PCDH9: variants seen among roughly 807,000 people sequenced by gnomAD.
PCDH9 encodes protocadherin-9.
PCDH9 carries 24 observed loss-of-function variants against 70.6 expected under a neutral mutation model. That is an observed-to-expected ratio of 0.34 (90% CI 0.25 to 0.48). The LOEUF (loss-of-function observed/expected upper bound fraction) is 0.48, where lower values mean the gene tolerates loss of function less well. Ranked by LOEUF, PCDH9 falls within the 20% of genes least tolerant of loss-of-function variation. PCDH9 has a pLI of 0.99. For missense variants in PCDH9, 1,281 were observed against 1,503.6 expected (o/e 0.85, Z 2.45); for synonymous variants, 562 against 558.5 (o/e 1.01, Z -0.09).
chr13:66,599,788 C>G (rs2077144597), intron 4 of PCDH9, among the ~76,000 whole-genome samples: 1 of 151,752 alleles, frequency 6.6e-6, no homozygotes, highest in Admixed American at 6.6e-5. Flanking sequence ...TGTTTAAATG[C>G]TCTCAGTTTA....
intron 2 of PCDH9, chr13:66,996,285 A>C (rs1414751385): frequency 6.6e-6 from 1 of 152,170 alleles, no homozygotes; most frequent in Non-Finnish European, 1.5e-5. Context: ...TATTCTAGTG[A>C]GTACAGACAA....
At chr13:67,068,298 A>C (rs2085691551) in intron 2 of PCDH9, among the ~76,000 whole-genome samples, 1 of 151,794 alleles carries the variant, frequency 6.6e-6, no homozygotes, top group East Asian at 1.9e-4. Flanking sequence ...TATTATGAAA[A>C]GTTTTTTTAT....
chr13:66,430,816 A>C (rs116586724), intron 4 of PCDH9, among the ~76,000 whole-genome samples: 1,932 of 152,224 alleles, frequency 0.013, 43 homozygotes, highest in African/African-American at 0.045. Flanking sequence ...CTCAAAGTGC[A>C]GTAGAGGCAC....
At chr13:66,419,894 A>T (rs181525006) in intron 4 of PCDH9, among the ~76,000 whole-genome samples, 2 of 152,020 alleles carry the variant, frequency 1.3e-5, no homozygotes, top group Non-Finnish European at 1.5e-5. Flanking sequence ...CCCACCCCCT[A>T]TGGAACCTAG....
chr13:67,031,410 ATATAAT>A (rs1231915611), intron 2 of PCDH9, among the ~76,000 whole-genome samples: 102 of 152,328 alleles, frequency 6.7e-4, no homozygotes, highest in African/African-American at 2.4e-3. Flanking sequence ...AATGTTTATA[ATATAAT>A]TATACAGGCC....
intron 3 of PCDH9, among the ~76,000 whole-genome samples, chr13:66,893,561 A>G (rs1049527881): frequency 6.6e-6 from 1 of 152,190 alleles, no homozygotes; most frequent in African/African-American, 2.4e-5. Context: ...AAAGAAATAT[A>G]TGATAAATAA....
At chr13:66,497,691 T>G (rs1959137819) in intron 4 of PCDH9, among the ~76,000 whole-genome samples, 1 of 152,080 alleles carries the variant, frequency 6.6e-6, no homozygotes, top group African/African-American at 2.4e-5. Context: ...GTTAAGAGGG[T>G]TTGATAACCC....
At position 66,679,427 on chromosome 13, in the gene PCDH9, G is replaced by A. The variant is rs73198540; in HGVS notation, c.3139-48016C>T. On this transcript the variant is annotated intron_variant, in intron 3 of 4. Coordinates refer to ENST00000377865, the MANE Select transcript of PCDH9 (RefSeq NM_203487.3). ...ACATTGTAATAGTGCACACACCCAT[G>A]GGCACAAAAACATACAAGCAAAGTA... Among the ~76,000 whole-genome samples the A allele has an allele frequency of 7.7e-3, 1,172 of 151,878 alleles. 10 individuals are homozygous for A. The highest frequency in any genetic ancestry group is 0.013 in the Non-Finnish European group (874 of 67,812).
At chr13:66,983,230 T>C (rs1337850236) in intron 2 of PCDH9, among the ~76,000 whole-genome samples, 1 of 151,870 alleles carries the variant, frequency 6.6e-6, no homozygotes, top group African/African-American at 2.4e-5. Context: ...TAACACAAAC[T>C]AGAAGTTAAA....
At chr13:66,691,227 G>A (rs1312891676) in intron 3 of PCDH9, among the ~76,000 whole-genome samples, 1 of 151,934 alleles carries the variant, frequency 6.6e-6, no homozygotes, top group Non-Finnish European at 1.5e-5. Context: ...TAGTAGAAAT[G>A]GTGTTTCACC....
intron 4 of PCDH9, among the ~76,000 whole-genome samples, chr13:66,563,298 C>T (rs756508907): frequency 1.3e-5 from 2 of 152,112 alleles, no homozygotes; most frequent in Non-Finnish European, 2.9e-5. Context: ...AGTCCTTTTC[C>T]GTTTGCTCCC....
intron 3 of PCDH9, among the ~76,000 whole-genome samples, chr13:66,880,403 A>T (rs1170303585): frequency 2.0e-5 from 3 of 152,336 alleles, no homozygotes; most frequent in Non-Finnish European, 4.4e-5. Context: ...GGATGAGACA[A>T]GTGCCTTTCA....
At chr13:66,456,844 G>T (rs1356753916) in intron 4 of PCDH9, among the ~76,000 whole-genome samples, 1 of 151,888 alleles carries the variant, frequency 6.6e-6, no homozygotes, top group African/African-American at 2.4e-5. Flanking sequence ...AAAAAATAAA[G>T]AATAATATAA....
At chr13:66,362,641 TTTC>T (rs1956490307) in intron 4 of PCDH9, among the ~76,000 whole-genome samples, 3 of 152,276 alleles carry the variant, frequency 2.0e-5, no homozygotes, top group South Asian at 4.1e-4. Flanking sequence ...TATGTTTCTC[TTTC>T]TTCTTCTTTG....
At chr13:66,560,838 A>T (rs1277692497) in intron 4 of PCDH9, among the ~76,000 whole-genome samples, 1 of 152,206 alleles carries the variant, frequency 6.6e-6, no homozygotes. Flanking sequence ...ACATCATTCC[A>T]GAAGTCCGGA....
At chr13:66,707,193 C>G (rs550039804) in intron 3 of PCDH9, among the ~76,000 whole-genome samples, 13 of 152,254 alleles carry the variant, frequency 8.5e-5, no homozygotes, top group Admixed American at 7.9e-4. Flanking sequence ...TAACATGTAG[C>G]AATAACATGG....
intron 3 of PCDH9, among the ~76,000 whole-genome samples, chr13:66,775,341 G>A (rs1220337753): frequency 6.6e-6 from 1 of 152,172 alleles, no homozygotes; most frequent in African/African-American, 2.4e-5. Context: ...ACAAGGCTTT[G>A]TTAATAATTA....
chr13:67,078,231 T>C (rs1290687640), intron 2 of PCDH9, among the ~76,000 whole-genome samples: 3 of 152,154 alleles, frequency 2.0e-5, no homozygotes, highest in Admixed American at 2.0e-4. Context: ...TCCAAGGAAT[T>C]CGTGCTGGTA....
intron 2 of PCDH9, among the ~76,000 whole-genome samples, chr13:67,053,383 C>G (rs992719262): frequency 3.9e-5 from 6 of 152,052 alleles, no homozygotes; most frequent in African/African-American, 1.4e-4. Context: ...GGACAAGAAA[C>G]AGCAAAGTGT....
Sources: gnomAD v4.1 joint callset for allele counts (sites outside exome capture counted in the v4.1 genomes callset) on GRCh38, gnomAD v4.1.1 for gene constraint, MANE v1.5 for transcripts, NCBI Gene and HGNC (gene_info 2026-07-23, HGNC 2026-07-21) for gene names.